Variants in FAM168A observed in about 807,000 individuals in gnomAD.
FAM168A encodes protein FAM168A.
Under a neutral mutation model 28.5 loss-of-function variants are expected in FAM168A, and 3 were observed. That is an observed-to-expected ratio of 0.11 (90% CI 0.05 to 0.27). The LOEUF (loss-of-function observed/expected upper bound fraction) is 0.27. Among genes scored for constraint, FAM168A ranks in the 10% least tolerant of loss-of-function variants. The pLI is 1.00. For synonymous variants in FAM168A, 122 were observed against 124.2 expected, an observed-to-expected ratio of 0.98 and a Z score of 0.12; for missense variants, 222 against 311.5, an observed-to-expected ratio of 0.71 and a Z score of 2.16.
At position 73,402,627 on chromosome 11, in the gene FAM168A, G is replaced by A. The variant is rs1352610953; in HGVS notation, c.*4136C>T. On this transcript the variant is annotated 3_prime_UTR_variant, in exon 8 of 8. Coordinates refer to ENST00000356467, the MANE Select transcript of FAM168A (RefSeq NM_015159.3). Reference sequence around the variant, plus strand: ...TCTGTACGTTTTGTACCAACTCACTGGATCTGGACAGTGGGCAGGCTCTCA... The same window carrying A: ...TCTGTACGTTTTGTACCAACTCACTAGATCTGGACAGTGGGCAGGCTCTCA... 2.6e-5 allele frequency: 4 copies of A among 152,238 alleles called. No homozygotes were observed. Among genetic ancestry groups the A allele is most frequent in the Non-Finnish European group, 5.9e-5 (4 of 68,068 alleles). 9.4% of individuals were successfully genotyped at this position (152,238 alleles called of 1,614,324 possible). A position where few individuals can be genotyped will look rare whatever the true frequency, so the allele number is the denominator to read the frequency against.
At chr11:73,513,214 T>TC (rs1855262413) in intron 1 of FAM168A, among the ~76,000 whole-genome samples, 1 of 143,324 alleles carries the variant, frequency 7.0e-6, no homozygotes, top group African/African-American at 2.6e-5. Context: ...AATTTTTTTT[T>TC]TTTTTTTTTT....
At chr11:73,434,373 C>T (rs1420410214) in intron 2 of FAM168A, among the ~76,000 whole-genome samples, 3 of 151,990 alleles carry the variant, frequency 2.0e-5, no homozygotes, top group African/African-American at 7.3e-5. Flanking sequence ...CCAGAAGTGC[C>T]AAAGTGTCGA....
At chr11:73,411,665 A>C in intron 4 of FAM168A, 129 bp from the exon 5 acceptor site, 1 of 1,003,580 alleles carries the variant, frequency 1.0e-6, no homozygotes. Context: ...AGATGAGAAC[A>C]AACAGAGAAC....
At chr11:73,446,048 C>T (rs2134539202) in intron 2 of FAM168A, among the ~76,000 whole-genome samples, 1 of 152,168 alleles carries the variant, frequency 6.6e-6, no homozygotes, top group South Asian at 2.1e-4. Context: ...TTATTTTTTC[C>T]TTTTAACATT....
intron 4 of FAM168A, among the ~76,000 whole-genome samples, chr11:73,419,064 C>T (rs537430322): frequency 3.3e-5 from 5 of 152,312 alleles, no homozygotes; most frequent in Admixed American, 2.0e-4. Context: ...CCCACCTTGG[C>T]CTCCCAAAGT....
At chr11:73,516,682 T>C (rs1261657862) in intron 1 of FAM168A, among the ~76,000 whole-genome samples, 1 of 152,222 alleles carries the variant, frequency 6.6e-6, no homozygotes, top group Non-Finnish European at 1.5e-5. Flanking sequence ...CCTCTTCTCA[T>C]AGATTTTGAG....
At chr11:73,535,569 G>A (rs554675044) in intron 1 of FAM168A, among the ~76,000 whole-genome samples, 174 of 151,170 alleles carry the variant, frequency 1.2e-3, no homozygotes, top group Middle Eastern at 0.01. Flanking sequence ...ACAGGTGCCC[G>A]CCACCACACC....
chr11:73,573,500 G>A (rs1944133406), intron 1 of FAM168A, among the ~76,000 whole-genome samples: 1 of 152,124 alleles, frequency 6.6e-6, no homozygotes, highest in African/African-American at 2.4e-5. Flanking sequence ...TTTCCACTAT[G>A]CAGTTACATT....
chr11:73,561,206 T>C (rs991264961), intron 1 of FAM168A, among the ~76,000 whole-genome samples: 1 of 151,844 alleles, frequency 6.6e-6, no homozygotes, highest in Admixed American at 6.6e-5. Flanking sequence ...GAAATCCGTT[T>C]CTACTAAAAA....
At chr11:73,408,101 C>T (rs968402932) in intron 6 of FAM168A, among the ~76,000 whole-genome samples, 2 of 152,188 alleles carry the variant, frequency 1.3e-5, no homozygotes, top group African/African-American at 4.8e-5. Flanking sequence ...GAACTCCTGA[C>T]CTCAAGTGAT....
chr11:73,476,379 G>C (rs1867888814), intron 1 of FAM168A, among the ~76,000 whole-genome samples: 1 of 132,898 alleles, frequency 7.5e-6, no homozygotes, highest in Admixed American at 9.1e-5. Flanking sequence ...CACTGCAAAG[G>C]AGACAGACTC....
chr11:73,487,505 G>A (rs765257031), intron 1 of FAM168A, among the ~76,000 whole-genome samples: 16 of 151,976 alleles, frequency 1.1e-4, no homozygotes, highest in Non-Finnish European at 1.9e-4. Context: ...TTCCTCTTAT[G>A]CCTTAAAGAT....
In FAM168A at chr11:73,531,802, C is replaced by CTTTTT. The variant is rs35314829; in HGVS notation, c.-18-63315_-18-63311dup. Among the ~76,000 whole-genome samples the CTTTTT allele has an allele frequency of 1.3e-3, 154 of 121,792 alleles. 4 individuals carry two copies. Among genetic ancestry groups the CTTTTT allele is most frequent in the African/African-American group, 4.6e-3 (137 of 29,728 alleles). 79.9% of individuals were successfully genotyped at this position (121,792 alleles called of 152,430 possible). A position where few individuals can be genotyped will look rare whatever the true frequency, so the allele number is the denominator to read the frequency against. On this transcript the variant is annotated intron_variant, in intron 1 of 7. Transcript: ENST00000356467. ...CCTGCAAAGCACAGACCAAGTATCA[C>CTTTTT]TTTTTTTTTTTTTTTTTTTTGAGAC...
chr11:73,534,415 T>A (rs1373503484), intron 1 of FAM168A, among the ~76,000 whole-genome samples: 4 of 151,694 alleles, frequency 2.6e-5, no homozygotes, highest in African/African-American at 9.6e-5. Flanking sequence ...TTATTTTTTT[T>A]TTTTTGAGAC....
chr11:73,438,469 A>C (rs1342961531), intron 2 of FAM168A, among the ~76,000 whole-genome samples: 1 of 152,210 alleles, frequency 6.6e-6, no homozygotes, highest in East Asian at 1.9e-4. Context: ...ATGAAAGTGC[A>C]TACCACATTA....
chr11:73,572,993 G>T (rs902540377), intron 1 of FAM168A, among the ~76,000 whole-genome samples: 2 of 152,148 alleles, frequency 1.3e-5, no homozygotes, highest in African/African-American at 4.8e-5. Flanking sequence ...TTTCAGGTAA[G>T]AGATAATCTG....
chr11:73,588,952 T>A (rs2134745187), intron 1 of FAM168A, among the ~76,000 whole-genome samples: 1 of 152,080 alleles, frequency 6.6e-6, no homozygotes, highest in Admixed American at 6.6e-5. Context: ...CCCTCTCCAA[T>A]CCACCATGTG....
chr11:73,448,703 A>G (rs1038037138), intron 2 of FAM168A, among the ~76,000 whole-genome samples: 4 of 152,290 alleles, frequency 2.6e-5, no homozygotes, highest in African/African-American at 9.6e-5. Context: ...AGAAGAACAG[A>G]CATTACTCGT....
intron 2 of FAM168A, among the ~76,000 whole-genome samples, chr11:73,447,119 T>C (rs1039295904): frequency 6.6e-6 from 1 of 152,190 alleles, no homozygotes; most frequent in Non-Finnish European, 1.5e-5. Context: ...AGATAGTCCT[T>C]CTCTTGTTCA....
Sources: gnomAD v4.1 joint callset for allele counts (sites outside exome capture counted in the v4.1 genomes callset) on GRCh38, gnomAD v4.1.1 for gene constraint, MANE v1.5 for transcripts, NCBI Gene and HGNC (gene_info 2026-07-23, HGNC 2026-07-21) for gene names.